The following SLC24A2 variants were observed in gnomAD, a reference collection of about 807,000 sequenced individuals.
The protein encoded by SLC24A2 is sodium/potassium/calcium exchanger 2.
A neutral mutation model predicts 62.0 loss-of-function variants in SLC24A2; 36 were observed. The ratio of observed to expected loss-of-function variants is 0.58; its 90% confidence interval spans 0.44 to 0.77. The LOEUF is 0.77. Ranked by LOEUF, SLC24A2 falls within the 30% of genes least tolerant of loss-of-function variation. The pLI, the probability that SLC24A2 is intolerant of heterozygous loss-of-function variation, is 0.00. For missense variants in SLC24A2, 846 were observed against 817.9 expected (o/e 1.03, Z -0.42); for synonymous variants, 358 against 294.0 (o/e 1.22, Z -2.23).
At chr9:20,086,265 C>T in the SLC24A2 span, among the ~76,000 whole-genome samples, 4 of 152,136 alleles carry the variant, frequency 2.6e-5, no homozygotes, top group Admixed American at 6.5e-5. Flanking sequence ...GCCCATCCTC[C>T]CCATTCTCCA....
At chr9:19,669,587 C>T (rs1263911648) in intron 2 of SLC24A2, among the ~76,000 whole-genome samples, 1 of 152,208 alleles carries the variant, frequency 6.6e-6, no homozygotes, top group Admixed American at 6.5e-5. Flanking sequence ...TGATACTTGC[C>T]TTCAGGCTCT....
intron 9 of SLC24A2, among the ~76,000 whole-genome samples, chr9:19,525,778 T>G (rs970351882): frequency 1.3e-5 from 2 of 150,764 alleles, no homozygotes; most frequent in African/African-American, 2.4e-5. Flanking sequence ...TTTTTTTTTT[T>G]TTTTTTTTTT....
At chr9:19,785,466 G>A (rs527396029) in intron 2 of SLC24A2, among the ~76,000 whole-genome samples, 2 of 152,184 alleles carry the variant, frequency 1.3e-5, no homozygotes, top group African/African-American at 4.8e-5. Flanking sequence ...GCTGCTGACT[G>A]GAAGGTACAG....
the SLC24A2 span, among the ~76,000 whole-genome samples, chr9:20,078,294 C>T: frequency 2.0e-5 from 3 of 152,006 alleles, no homozygotes; most frequent in Admixed American, 2.0e-4. Context: ...CCAATTCTTC[C>T]AGCCTCCCCA....
At chr9:19,559,098 G>C (rs1013504426) in intron 7 of SLC24A2, among the ~76,000 whole-genome samples, 1 of 152,134 alleles carries the variant, frequency 6.6e-6, no homozygotes, top group Non-Finnish European at 1.5e-5. Context: ...ACTTACAAGA[G>C]TATTTGGCAC....
At chr9:20,224,507 G>A in the SLC24A2 span, among the ~76,000 whole-genome samples, 1 of 152,102 alleles carries the variant, frequency 6.6e-6, no homozygotes, top group East Asian at 1.9e-4. Flanking sequence ...AGAAAAAATA[G>A]ATTGATTAAA....
chr9:19,585,863 A>G (rs1394031861), intron 5 of SLC24A2, among the ~76,000 whole-genome samples: 1 of 152,166 alleles, frequency 6.6e-6, no homozygotes, highest in Non-Finnish European at 1.5e-5. Flanking sequence ...ATAATGTTCT[A>G]TAAGAATGAC....
chr9:19,605,949 T>C (rs915625164), intron 4 of SLC24A2, among the ~76,000 whole-genome samples: 1 of 152,236 alleles, frequency 6.6e-6, no homozygotes, highest in African/African-American at 2.4e-5. Flanking sequence ...GCTCAGTAAC[T>C]AACTCTGCTA....
At chr9:19,928,980 T>A in the SLC24A2 span, 1 of 152,250 alleles carries the variant, frequency 6.6e-6, no homozygotes, top group Non-Finnish European at 1.5e-5. Flanking sequence ...CACCCTTCCC[T>A]AGCTGACTGA....
chr9:20,121,656 A>G, the SLC24A2 span, among the ~76,000 whole-genome samples: 7 of 152,212 alleles, frequency 4.6e-5, no homozygotes, highest in African/African-American at 1.7e-4. Context: ...CAGCAAATTT[A>G]TAACTCAGTG....
the SLC24A2 span, among the ~76,000 whole-genome samples, chr9:20,241,750 G>A: frequency 1.3e-5 from 2 of 152,072 alleles, no homozygotes; most frequent in Non-Finnish European, 2.9e-5. Flanking sequence ...GAGTAGAGAG[G>A]AGTGGGAGGA....
the SLC24A2 span, among the ~76,000 whole-genome samples, chr9:20,025,858 T>C: frequency 1.3e-5 from 2 of 151,684 alleles, no homozygotes; most frequent in Non-Finnish European, 2.9e-5. Flanking sequence ...AACAGAGGAG[T>C]AGGGAGAGAG....
chr9:20,215,845 G>A, the SLC24A2 span, among the ~76,000 whole-genome samples: 1 of 151,718 alleles, frequency 6.6e-6, no homozygotes, highest in African/African-American at 2.4e-5. Context: ...CAAGGAGTGA[G>A]CACTAAGTGA....
the SLC24A2 span, among the ~76,000 whole-genome samples, chr9:20,129,297 T>A: frequency 6.6e-6 from 1 of 152,124 alleles, no homozygotes; most frequent in East Asian, 1.9e-4. Context: ...AAAAGTGAGT[T>A]GGTGAAGACA....
the SLC24A2 span, among the ~76,000 whole-genome samples, chr9:20,199,973 C>A: frequency 6.0e-3 from 912 of 151,010 alleles, 19 homozygotes; most frequent in African/African-American, 0.021. Flanking sequence ...TCAGGTGATC[C>A]GCCCATCTCG....
chr9:19,843,525 T>C, the SLC24A2 span, among the ~76,000 whole-genome samples: 3 of 152,232 alleles, frequency 2.0e-5, no homozygotes, highest in South Asian at 4.2e-4. Context: ...AAAATAATAA[T>C]TTCAACTTTC....
chr9:19,902,380 A>C, the SLC24A2 span, among the ~76,000 whole-genome samples: 1 of 152,190 alleles, frequency 6.6e-6, no homozygotes, highest in Non-Finnish European at 1.5e-5. Context: ...AGACAAGGAG[A>C]AAAGCCTTAT....
the SLC24A2 span, among the ~76,000 whole-genome samples, chr9:20,085,106 C>T: frequency 6.6e-6 from 1 of 152,138 alleles, no homozygotes; most frequent in Admixed American, 6.5e-5. Flanking sequence ...AACAGTACTC[C>T]CACCTCAGCC....
the SLC24A2 span, among the ~76,000 whole-genome samples, chr9:20,261,901 G>A: frequency 4.0e-5 from 6 of 151,834 alleles, no homozygotes; most frequent in Admixed American, 3.3e-4. Context: ...CACCACGCCT[G>A]GCTAGTTTTT....
Sources: gnomAD v4.1 joint callset for allele counts (sites outside exome capture counted in the v4.1 genomes callset) on GRCh38, gnomAD v4.1.1 for gene constraint, MANE v1.5 for transcripts, NCBI Gene and HGNC (gene_info 2026-07-23, HGNC 2026-07-21) for gene names.